The following SIK2 variants were observed in gnomAD, a reference collection of about 807,000 sequenced individuals.
The protein encoded by SIK2 is serine/threonine-protein kinase SIK2.
Under a neutral mutation model 103.2 loss-of-function variants are expected in SIK2, and 29 were observed. The observed-to-expected ratio is 0.28, with a 90% confidence interval of 0.21 to 0.38. The LOEUF (loss-of-function observed/expected upper bound fraction) is 0.38, where lower values mean the gene tolerates loss of function less well. Among genes scored for constraint, SIK2 ranks in the 10% least tolerant of loss-of-function variants. SIK2 has a pLI of 1.00. For synonymous variants in SIK2, 412 were observed against 446.1 expected (o/e 0.92, Z 0.96); for missense variants, 879 against 1,171.0 (o/e 0.75, Z 3.64).
chr11:111,616,548 C>G (rs1047285937), intron 2 of SIK2, among the ~76,000 whole-genome samples, 189 bp downstream of exon 2: 3 of 152,138 alleles, frequency 2.0e-5, no homozygotes, highest in African/African-American at 4.8e-5. Flanking sequence ...AGTCATCTCT[C>G]AGACTGCAAG....
At chr11:111,645,256 A>G (rs892340915) in intron 3 of SIK2, among the ~76,000 whole-genome samples, 6 of 152,210 alleles carry the variant, frequency 3.9e-5, no homozygotes, top group African/African-American at 7.2e-5. Flanking sequence ...AGCCAGATGC[A>G]CCTAAAAGAA....
rs902349973 is a variant in SIK2, at chr11:111,725,971, T to G, written c.*1842T>G. On this transcript the variant is annotated 3_prime_UTR_variant, in exon 15 of 15. Transcript: ENST00000304987. Reference sequence around the variant, plus strand: ...CAGTGAAAATCCAGGAAGAATGAATTAAGCTTCTTCTGGGAGTTGTTTATT... The same window carrying G: ...CAGTGAAAATCCAGGAAGAATGAATGAAGCTTCTTCTGGGAGTTGTTTATT... 6.6e-6 allele frequency: 1 copy of G among 152,222 alleles called. No homozygotes were observed. Among genetic ancestry groups the G allele is most frequent in the Non-Finnish European group, 1.5e-5 (1 of 68,036 alleles). 9.4% of individuals were successfully genotyped at this position (152,222 alleles called of 1,614,324 possible). A position where few individuals can be genotyped will look rare whatever the true frequency, so the allele number is the denominator to read the frequency against.
chr11:111,730,398 G>A lies in SIK2; in HGVS notation c.*6269G>A, dbSNP rs1944147517. 6.6e-6 allele frequency: 1 copy of A among 152,228 alleles called. No homozygotes were observed. The highest frequency in any genetic ancestry group is 1.5e-5 in the Non-Finnish European group (1 of 68,052). The allele number at this position is 152,228 out of a possible 1,614,324, so 9.4% of individuals were successfully genotyped here. The stretch of plus-strand genomic sequence containing the variant: ...ACCAAAATCTCTGAAGGGGAAAGAA[G>A]TGGAGAGAAAGGTTTGCTTCACTTC... On this transcript the variant is annotated 3_prime_UTR_variant, in exon 15 of 15. Coordinates refer to ENST00000304987, the MANE Select transcript of SIK2 (RefSeq NM_015191.3).
chr11:111,629,972 C>T (rs1015980693), intron 3 of SIK2, among the ~76,000 whole-genome samples: 1 of 151,836 alleles, frequency 6.6e-6, no homozygotes, highest in African/African-American at 2.4e-5. Context: ...AGGTATTTGC[C>T]CAAGAAAAAT....
chr11:111,645,268 A>G (rs1942239780), intron 3 of SIK2, among the ~76,000 whole-genome samples: 1 of 152,236 alleles, frequency 6.6e-6, no homozygotes, highest in African/African-American at 2.4e-5. Context: ...CTAAAAGAAC[A>G]TTCATAGCAG....
chr11:111,630,262 A>C (rs1016095071), intron 3 of SIK2, among the ~76,000 whole-genome samples: 1 of 152,196 alleles, frequency 6.6e-6, no homozygotes, highest in Non-Finnish European at 1.5e-5. Context: ...GTGAAATTCT[A>C]TAACAGTCAA....
At chr11:111,671,215 C>A in intron 3 of SIK2, 2 of 262,850 alleles carry the variant, frequency 7.6e-6, no homozygotes. Context: ...GCTTTCCTTG[C>A]CCTGCAGCAG....
intron 1 of SIK2, among the ~76,000 whole-genome samples, chr11:111,615,500 TTC>T (rs891576772): frequency 5.9e-5 from 9 of 152,170 alleles, no homozygotes; most frequent in Non-Finnish European, 1.2e-4. Context: ...AATAAATTAG[TTC>T]TTTTTAATTG....
rs544405510 is a variant in SIK2, at chr11:111,630,582, A to T, written c.316+10180A>T. Among the ~76,000 whole-genome samples, 3 of 152,146 alleles carry T rather than the reference A, an allele frequency of 2.0e-5. No individual in the cohort carries two copies. In the South Asian group the frequency reaches 6.2e-4, roughly 32 times the overall value. The stretch of plus-strand genomic sequence containing the variant: ...TGATCAATGAAGCTGTAATAATGAG[A>T]TTTCAGAATTAAGAAGGCTAAGAAG... On this transcript the variant is annotated intron_variant, in intron 3 of 14. Coordinates refer to ENST00000304987, the MANE Select transcript of SIK2 (RefSeq NM_015191.3).
chr11:111,603,227 C>T (rs1317858204), intron 1 of SIK2, among the ~76,000 whole-genome samples: 1 of 152,176 alleles, frequency 6.6e-6, no homozygotes, highest in Non-Finnish European at 1.5e-5. Flanking sequence ...GGAAGGGCCC[C>T]ATGGCTGGGA....
chr11:111,661,640 C>A (rs1291956669), intron 3 of SIK2, among the ~76,000 whole-genome samples: 1 of 152,158 alleles, frequency 6.6e-6, no homozygotes, highest in African/African-American at 2.4e-5. Flanking sequence ...TTAGGAAATA[C>A]CTGAGACTGG....
At chr11:111,715,888 G>GC (rs1460515602) in intron 9 of SIK2, among the ~76,000 whole-genome samples, 4 of 122,394 alleles carry the variant, frequency 3.3e-5, no homozygotes, top group Non-Finnish European at 6.4e-5. Flanking sequence ...TGCAACCTCC[G>GC]CCCCCCGGGT....
At chr11:111,704,452 G>GA (rs1943292633) in intron 7 of SIK2, among the ~76,000 whole-genome samples, 1 of 152,142 alleles carries the variant, frequency 6.6e-6, no homozygotes, top group African/African-American at 2.4e-5. Context: ...AAAACAAGAG[G>GA]AAAAAATTAC....
chr11:111,688,452 G>A lies in SIK2; in HGVS notation c.478+290G>A, dbSNP rs1252612613. Among the ~76,000 whole-genome samples, 1 of 152,222 alleles carries A rather than the reference G, an allele frequency of 6.6e-6. No individual in the cohort carries two copies. Among genetic ancestry groups the A allele is most frequent in the Non-Finnish European group, 1.5e-5 (1 of 68,044 alleles). On this transcript the variant is annotated intron_variant, in intron 4 of 14. Transcript: ENST00000304987. This position sits in a 1 kb window ranked among gnomAD's most constrained non-coding sequence, Gnocchi z 4.2. Reference sequence around the variant, plus strand: ...AAGAGGTACATTTATCTGAGTGTCAGAGTGACTGGAGAAAAGACAGGGCTG... The same window carrying A: ...AAGAGGTACATTTATCTGAGTGTCAAAGTGACTGGAGAAAAGACAGGGCTG...
intron 3 of SIK2, among the ~76,000 whole-genome samples, chr11:111,678,585 T>A (rs1942737023): frequency 6.6e-6 from 1 of 152,228 alleles, no homozygotes; most frequent in African/African-American, 2.4e-5. Flanking sequence ...TAGGGTGCTT[T>A]TTAAGATCTT....
intron 3 of SIK2, among the ~76,000 whole-genome samples, chr11:111,623,091 T>C (rs1039951881): frequency 1.3e-5 from 2 of 152,254 alleles, no homozygotes; most frequent in African/African-American, 4.8e-5. Context: ...CTTTTCCATT[T>C]TTAAAAAATT....
chr11:111,721,006 C>T lies in SIK2; in HGVS notation c.1888C>T (p.Pro630Ser), dbSNP rs1357810476. The T allele has an allele frequency of 1.9e-6, 3 of 1,614,036 alleles. No homozygotes were observed. The highest frequency in any genetic ancestry group is 1.1e-5 in the South Asian group (1 of 91,060). Residue 630 changes from proline to serine, a missense_variant, in exon 12 of 15, where the codon CCT (proline) becomes TCT (serine). By Grantham distance (74) the Pro-to-Ser change is moderately conservative (BLOSUM62 -1). Around this residue, in one of 7 missense-constraint regions of SIK2, gnomAD observed 375 missense variants for 416.3 expected, o/e 0.90. Coordinates refer to ENST00000304987, the MANE Select transcript of SIK2 (RefSeq NM_015191.3). ...TGAACAAATAGGACCGGAGGCAGAC[C>T]CTAACCTGGCGCCGGCGGCTCCTCA... ...LYEQIGPEAD[P>S]NLAPAAPQLQ... is the part of the protein sequence containing the mutation.
chr11:111,703,132 C>A, intron 6 of SIK2, 71 bp from the exon 7 acceptor site: 1 of 1,404,224 alleles, frequency 7.1e-7, no homozygotes, highest in Non-Finnish European at 1.0e-6. Context: ...TACAAAGTCA[C>A]ATGAGTCAAG....
chr11:111,617,638 C>T (rs925388237), intron 2 of SIK2, among the ~76,000 whole-genome samples: 1 of 152,158 alleles, frequency 6.6e-6, no homozygotes, highest in Non-Finnish European at 1.5e-5. Context: ...TTTACTGGCA[C>T]ACCAGTATGT....
Sources: gnomAD v4.1 joint callset for allele counts (sites outside exome capture counted in the v4.1 genomes callset) on GRCh38, gnomAD v4.1.1 for gene constraint, gnomAD v4.1.1 regional missense constraint, Gnocchi (gnomAD v3.1) non-coding constraint, MANE v1.5 for transcripts, NCBI Gene and HGNC (gene_info 2026-07-23, HGNC 2026-07-21) for gene names.